Variants in EIF4G3 observed in about 807,000 individuals in gnomAD.
EIF4G3 encodes the protein eukaryotic translation initiation factor 4 gamma 3, also known as eIF-4-gamma 3.
Under a neutral mutation model 186.4 loss-of-function variants are expected in EIF4G3, and 34 were observed. The ratio of observed to expected loss-of-function variants is 0.18; its 90% CI spans 0.14 to 0.24. The LOEUF (loss-of-function observed/expected upper bound fraction) is 0.24. EIF4G3 is among the 10% of genes least tolerant of loss of function. EIF4G3 has a pLI of 1.00. For missense variants in EIF4G3, 1,536 were observed against 1,948.5 expected (o/e 0.79, Z 3.99); for synonymous variants, 673 against 679.5 (o/e 0.99, Z 0.15).
chr1:20,882,644 A>C (rs1025810288), intron 19 of EIF4G3, among the ~76,000 whole-genome samples: 4 of 151,858 alleles, frequency 2.6e-5, no homozygotes, highest in Admixed American at 2.0e-4. Context: ...AAAAAACAAA[A>C]AAAAATTAAC....
At chr1:20,893,007 A>C in intron 18 of EIF4G3, 2 of 344,720 alleles carry the variant, frequency 5.8e-6, no homozygotes, top group Non-Finnish European at 1.0e-5. Flanking sequence ...TCCTGGGGTC[A>C]AGTAATTCTC....
At chr1:20,869,161 G>A (rs2078398904) in intron 20 of EIF4G3, among the ~76,000 whole-genome samples, 1 of 152,114 alleles carries the variant, frequency 6.6e-6, no homozygotes, top group Non-Finnish European at 1.5e-5. Context: ...GATGTTAATG[G>A]CAACCCATGG....
chr1:21,067,944 AAAAT>A (rs2095307345), intron 3 of EIF4G3, among the ~76,000 whole-genome samples: 1 of 151,976 alleles, frequency 6.6e-6, no homozygotes, highest in Non-Finnish European at 1.5e-5. Flanking sequence ...AACAAAAAAT[AAAAT>A]AAAAAAAGAA....
At chr1:21,145,003 C>G (rs1333799707) in intron 2 of EIF4G3, among the ~76,000 whole-genome samples, 3 of 151,980 alleles carry the variant, frequency 2.0e-5, no homozygotes, top group African/African-American at 7.3e-5. Flanking sequence ...CTTGGCCAGG[C>G]ATGGTGGCTC....
At chr1:21,104,881 A>T (rs1350272740) in intron 2 of EIF4G3, among the ~76,000 whole-genome samples, 1 of 140,952 alleles carries the variant, frequency 7.1e-6, no homozygotes, top group Non-Finnish European at 1.6e-5. Context: ...ACACGCCCAT[A>T]AAAAAAAAAT....
intron 4 of EIF4G3, among the ~76,000 whole-genome samples, chr1:21,034,544 A>G (rs188516935): frequency 1.3e-5 from 2 of 152,372 alleles, no homozygotes; most frequent in African/African-American, 4.8e-5. Flanking sequence ...TATCACTATA[A>G]AACAGAATTA....
At chr1:20,992,559 T>G (rs1346844644) in intron 7 of EIF4G3, among the ~76,000 whole-genome samples, 1 of 152,218 alleles carries the variant, frequency 6.6e-6, no homozygotes, top group East Asian at 1.9e-4. Flanking sequence ...CTCCTGCTGA[T>G]AGTGTACGCT....
intron 33 of EIF4G3, among the ~76,000 whole-genome samples, chr1:20,821,121 C>T (rs1393401622): frequency 6.6e-6 from 1 of 152,182 alleles, no homozygotes; most frequent in African/African-American, 2.4e-5. Flanking sequence ...CCAGAGATCC[C>T]GTTAACACTA....
chr1:20,928,637 G>A (rs767110172), intron 14 of EIF4G3, among the ~76,000 whole-genome samples: 10 of 152,082 alleles, frequency 6.6e-5, no homozygotes, highest in South Asian at 2.1e-4. Flanking sequence ...TCCTGACCTC[G>A]TGATCCGCCC....
chr1:20,860,486 C>T lies in EIF4G3; in HGVS notation c.3143G>A (p.Gly1048Glu). 6.2e-7 allele frequency: 1 copy of T among 1,613,860 alleles called. No individual in the cohort carries two copies. Among genetic ancestry groups the T allele is most frequent in the Non-Finnish European group, 8.5e-7 (1 of 1,179,950 alleles). The stretch of plus-strand genomic sequence containing the variant: ...GTGAATCTGTTCGATAGTTTTAGGC[C>T]CTTGATCTGCTCTTCGAGATACCCA... ...CNWVSRRADQ[G>E]PKTIEQIHKE... Residue 1048 changes from glycine to glutamate, a missense_variant, in exon 24 of 37, where the codon GGG (glycine) becomes GAG (glutamate). By Grantham distance (98) the Gly-to-Glu change is moderately conservative. Transcript: ENST00000602326.
chr1:21,121,441 C>T (rs956234099), intron 2 of EIF4G3, among the ~76,000 whole-genome samples: 5 of 151,980 alleles, frequency 3.3e-5, no homozygotes, highest in African/African-American at 7.3e-5. Flanking sequence ...AAGAAATATG[C>T]GAACTGAGTA....
chr1:21,008,584 C>T (rs1279486187), intron 4 of EIF4G3, among the ~76,000 whole-genome samples: 1 of 152,168 alleles, frequency 6.6e-6, no homozygotes, highest in Admixed American at 6.5e-5. Context: ...GGTGATCCAC[C>T]GGGCTCAGCC....
At chr1:21,125,826 G>A (rs2097029337) in intron 2 of EIF4G3, among the ~76,000 whole-genome samples, 2 of 150,234 alleles carry the variant, frequency 1.3e-5, no homozygotes, top group Admixed American at 6.7e-5. Context: ...CACTAAGTAT[G>A]ACAGACCCTG....
intron 14 of EIF4G3, among the ~76,000 whole-genome samples, chr1:20,940,873 A>G (rs540413485): frequency 1.1e-4 from 17 of 152,372 alleles, no homozygotes; most frequent in African/African-American, 3.4e-4. Context: ...TGGGAAGAAT[A>G]TAATACTCCA....
intron 2 of EIF4G3, among the ~76,000 whole-genome samples, chr1:21,152,302 A>AC (rs1248833919): frequency 7.8e-6 from 1 of 127,700 alleles, no homozygotes; most frequent in African/African-American, 3.0e-5. Context: ...ATGCCACTGT[A>AC]CTCTGGCCTG....
chr1:20,922,020 G>GT (rs2094520664), intron 14 of EIF4G3, among the ~76,000 whole-genome samples: 1 of 152,128 alleles, frequency 6.6e-6, no homozygotes, highest in Admixed American at 6.5e-5. Context: ...TTACACTCAA[G>GT]TATTTTTGCA....
intron 7 of EIF4G3, among the ~76,000 whole-genome samples, chr1:20,994,723 G>A (rs2081923040): frequency 6.7e-6 from 1 of 148,674 alleles, no homozygotes; most frequent in Non-Finnish European, 1.5e-5. Context: ...GACCACCTGG[G>A]CTCAGGTGAT....
chr1:20,842,344 T>C (rs781170212), intron 29 of EIF4G3, among the ~76,000 whole-genome samples: 1 of 152,204 alleles, frequency 6.6e-6, no homozygotes, highest in Non-Finnish European at 1.5e-5. Context: ...TTTTGAAACA[T>C]TCAAGACAAT....
At chr1:20,945,204 T>C (rs1194531935) in intron 13 of EIF4G3, among the ~76,000 whole-genome samples, 1 of 152,132 alleles carries the variant, frequency 6.6e-6, no homozygotes, top group Non-Finnish European at 1.5e-5. Flanking sequence ...TGGCCATCTT[T>C]AGGAATTTGC....
Sources: gnomAD v4.1 joint callset for allele counts (sites outside exome capture counted in the v4.1 genomes callset) on GRCh38, gnomAD v4.1.1 for gene constraint, MANE v1.5 for transcripts, NCBI Gene and HGNC (gene_info 2026-07-23, HGNC 2026-07-21) for gene names.